C9orf85: variants seen among roughly 807,000 people sequenced by gnomAD.
C9orf85 encodes uncharacterized protein C9orf85.
Under a neutral mutation model 14.9 loss-of-function variants are expected in C9orf85, and 16 were observed. That is an observed-to-expected ratio of 1.08 (90% CI 0.73 to 1.63). The LOEUF is 1.63. C9orf85 is among the 40% of genes most tolerant of loss of function. The pLI is 0.00. For synonymous variants in C9orf85, 45 were observed against 56.8 expected (o/e 0.79, Z 0.93); for missense variants, 172 against 186.1 (o/e 0.92, Z 0.44).
chr9:71,985,189 G>A (rs1364417709), downstream of C9orf85: 1 of 152,292 alleles, frequency 6.6e-6, no homozygotes, highest in Non-Finnish European at 1.5e-5. Flanking sequence ...TTTTATTGCG[G>A]GGGAGTGATC....
chr9:71,928,456 C>T lies in C9orf85; in HGVS notation c.102+16620C>T, dbSNP rs193109837. On this transcript the variant is annotated intron_variant, in intron 1 of 3. Transcript: ENST00000334731. The stretch of plus-strand genomic sequence containing the variant: ...AATCTTTGAGATGCTTAGCATAATG[C>T]GGAGTACATACTAGCTCATATTTTT... Among the ~76,000 whole-genome samples the T allele has an allele frequency of 3.1e-3, 470 of 152,264 alleles. 3 individuals are homozygous for T. Among genetic ancestry groups the T allele is most frequent in the Non-Finnish European group, 5.2e-3 (354 of 68,034 alleles).
intron 2 of C9orf85, among the ~76,000 whole-genome samples, chr9:71,960,241 A>G (rs1000328349): frequency 1.3e-5 from 2 of 152,190 alleles, no homozygotes; most frequent in Non-Finnish European, 2.9e-5. Flanking sequence ...AATGAACAAG[A>G]ATCCTGTTGA....
chr9:71,956,253 T>G (rs1430696464), intron 2 of C9orf85, among the ~76,000 whole-genome samples: 1 of 146,136 alleles, frequency 6.8e-6, no homozygotes, highest in Admixed American at 6.9e-5. Flanking sequence ...TTTTTTTTTT[T>G]TTTTTTTTTT....
intron 2 of C9orf85, among the ~76,000 whole-genome samples, chr9:71,964,312 G>T (rs952220998): frequency 3.3e-5 from 5 of 152,022 alleles, no homozygotes; most frequent in Admixed American, 3.3e-4. Flanking sequence ...AAAGCAGGCT[G>T]CCCCAGCCAG....
intron 2 of C9orf85, among the ~76,000 whole-genome samples, chr9:71,953,581 G>C (rs1822300464): frequency 6.6e-6 from 1 of 152,124 alleles, no homozygotes; most frequent in African/African-American, 2.4e-5. Flanking sequence ...TAATTGAACA[G>C]AGTCACTCTT....
At chr9:71,959,438 A>G (rs1410739996) in intron 2 of C9orf85, among the ~76,000 whole-genome samples, 1 of 152,114 alleles carries the variant, frequency 6.6e-6, no homozygotes, top group Non-Finnish European at 1.5e-5. Context: ...TGTCCGGCCA[A>G]AGTTAACATT....
chr9:71,977,691 C>T (rs183760933), downstream of C9orf85, among the ~76,000 whole-genome samples: 10 of 152,302 alleles, frequency 6.6e-5, no homozygotes, highest in East Asian at 1.9e-3. Flanking sequence ...TAGGTCTTTT[C>T]CTTTCCTTGT....
intron 2 of C9orf85, among the ~76,000 whole-genome samples, chr9:71,949,823 C>T (rs1822199897): frequency 6.6e-6 from 1 of 152,136 alleles, no homozygotes; most frequent in African/African-American, 2.4e-5. Flanking sequence ...ATTCAGATTC[C>T]TCTTACTGTT....
intron 3 of C9orf85, among the ~76,000 whole-genome samples, chr9:71,981,622 C>T (rs1419105000): frequency 3.3e-5 from 5 of 152,116 alleles, no homozygotes; most frequent in Non-Finnish European, 7.4e-5. Context: ...TATTTATATT[C>T]TATTTTTATA....
intron 1 of C9orf85, chr9:71,918,294 C>T: frequency 2.3e-6 from 1 of 434,220 alleles, no homozygotes; most frequent in South Asian, 2.2e-5. Flanking sequence ...ATTAGTGTTC[C>T]TATTTTAAAA....
chr9:71,935,469 C>G (rs932969972), intron 1 of C9orf85, among the ~76,000 whole-genome samples: 1 of 151,706 alleles, frequency 6.6e-6, no homozygotes, highest in South Asian at 2.1e-4. Context: ...CATCAATGAA[C>G]CTTAAGGACA....
In C9orf85 at chr9:71,951,775, T is replaced by A. The variant is rs141653021; in HGVS notation, c.209+4663T>A. 4.6e-5 allele frequency among the ~76,000 whole-genome samples: 7 copies of A among 152,298 alleles called. No individual in the cohort carries two copies. The East Asian group carries it at 1.3e-3, about 29-fold the overall frequency. Reference sequence around the variant, plus strand: ...AATGAAAACCATTCATTACCATTCCTGGTCAATCCCAAGTCATTCATGAAC... The same window carrying A: ...AATGAAAACCATTCATTACCATTCCAGGTCAATCCCAAGTCATTCATGAAC... On this transcript the variant is annotated intron_variant, in intron 2 of 3. Coordinates refer to ENST00000334731, the MANE Select transcript of C9orf85 (RefSeq NM_182505.5).
chr9:71,933,546 C>T (rs966591203), intron 1 of C9orf85, among the ~76,000 whole-genome samples: 1 of 152,206 alleles, frequency 6.6e-6, no homozygotes, highest in African/African-American at 2.4e-5. Context: ...AGGAACCACT[C>T]TACAACTTCT....
intron 1 of C9orf85, among the ~76,000 whole-genome samples, chr9:71,937,747 T>C (rs1178955366): frequency 6.6e-6 from 1 of 152,168 alleles, no homozygotes; most frequent in Non-Finnish European, 1.5e-5. Context: ...ATATCACCTA[T>C]ACTTTAGATA....
At chr9:71,969,660 G>T (rs1464466710) in intron 2 of C9orf85, among the ~76,000 whole-genome samples, 1 of 152,034 alleles carries the variant, frequency 6.6e-6, no homozygotes, top group African/African-American at 2.4e-5. Flanking sequence ...ATTTTCTAAA[G>T]GTAAAAGTTT....
At chr9:71,948,876 T>C (rs1822171669) in intron 2 of C9orf85, among the ~76,000 whole-genome samples, 1 of 145,154 alleles carries the variant, frequency 6.9e-6, no homozygotes, top group East Asian at 2.2e-4. Context: ...TTTCTTCCTC[T>C]AGCATTTCCT....
intron 1 of C9orf85, among the ~76,000 whole-genome samples, chr9:71,936,960 T>C (rs1828206200): frequency 1.3e-5 from 2 of 152,002 alleles, no homozygotes; most frequent in Admixed American, 1.3e-4. Context: ...GATCTCCCTG[T>C]GTTGCCCAGG....
intron 1 of C9orf85, chr9:71,918,331 A>G (rs1827707158): frequency 1.5e-6 from 1 of 669,562 alleles, no homozygotes; most frequent in Non-Finnish European, 2.2e-6. Flanking sequence ...TTCAGAAATA[A>G]AAACAAGTTA....
chr9:71,972,142 A>G (rs910638055), intron 3 of C9orf85, among the ~76,000 whole-genome samples: 1 of 152,194 alleles, frequency 6.6e-6, no homozygotes, highest in Non-Finnish European at 1.5e-5. Context: ...CATATTCATT[A>G]CAAAAGAATT....
Sources: allele counts gnomAD v4.1 joint callset (sites outside exome capture counted in the v4.1 genomes callset), GRCh38; gene constraint gnomAD v4.1.1; transcripts MANE v1.5; gene names NCBI Gene and HGNC (gene_info 2026-07-23, HGNC 2026-07-21).